FRMD4A: variants seen among roughly 807,000 people sequenced by gnomAD.
The protein encoded by FRMD4A is FERM domain-containing protein 4A.
Under a neutral mutation model 129.1 loss-of-function variants are expected in FRMD4A, and 29 were observed. The ratio of observed to expected loss-of-function variants is 0.22; its 90% CI spans 0.17 to 0.31. The LOEUF is 0.31. Ranked by LOEUF, FRMD4A falls within the 10% of genes least tolerant of loss-of-function variation. The pLI is 1.00. For synonymous variants in FRMD4A, 634 were observed against 571.6 expected, an observed-to-expected ratio of 1.11 and a Z score of -1.56; for missense variants, 1,272 against 1,375.8, an observed-to-expected ratio of 0.92 and a Z score of 1.19.
intron 2 of FRMD4A, among the ~76,000 whole-genome samples, chr10:14,103,555 G>T (rs976931731): frequency 2.6e-5 from 4 of 152,154 alleles, no homozygotes; most frequent in Non-Finnish European, 5.9e-5. Context: ...TCGCAAAAGA[G>T]AAATAAATAT....
intron 2 of FRMD4A, among the ~76,000 whole-genome samples, chr10:14,290,709 AACAAAGGCAAAATTAGGCAAGTGGGATG>A (rs1845823541): frequency 6.6e-6 from 1 of 152,102 alleles, no homozygotes; most frequent in Non-Finnish European, 1.5e-5. Context: ...AAGAACAAGC[AACAAAGGCAAAATTAGGCAAGTGGGATG>A]ACTACAAACT....
Position 13,925,566 on chromosome 10 carries a change from C to CTTTTTTTTTTTTTTTTTTTT in FRMD4A, c.46-66674_46-66655dup, listed in dbSNP as rs66980805. Among the ~76,000 whole-genome samples the CTTTTTTTTTTTTTTTTTTTT allele has an allele frequency of 3.2e-4, 20 of 61,946 alleles. 6 individuals are homozygous for CTTTTTTTTTTTTTTTTTTTT. Among genetic ancestry groups the CTTTTTTTTTTTTTTTTTTTT allele is most frequent in the East Asian group, 8.0e-4 (1 of 1,248 alleles). The allele number at this position is 61,946 out of a possible 152,430, so 40.6% of individuals were successfully genotyped here. A position where few individuals can be genotyped will look rare whatever the true frequency, so the allele number is the denominator to read the frequency against. On this transcript the variant is annotated intron_variant, in intron 2 of 24. Coordinates refer to ENST00000357447, the MANE Select transcript of FRMD4A (RefSeq NM_018027.5). The stretch of plus-strand genomic sequence containing the variant: ...TGAAAGTTTCTATTGTAGTGAAACG[C>CTTTTTTTTTTTTTTTTTTTT]TTTTTTTTTTTTTTTTTTTTTTTTT...
chr10:13,921,904 C>T lies in FRMD4A; in HGVS notation c.46-62992G>A, dbSNP rs968714218. Among the ~76,000 whole-genome samples the T allele has an allele frequency of 2.2e-4, 34 of 152,254 alleles. 4 individuals are homozygous for T. Among genetic ancestry groups the T allele is most frequent in the Admixed American group, 1.8e-3 (28 of 15,294 alleles). On this transcript the variant is annotated intron_variant, in intron 2 of 24. Coordinates refer to ENST00000357447, the MANE Select transcript of FRMD4A (RefSeq NM_018027.5). The stretch of plus-strand genomic sequence containing the variant: ...TAGGGACTAAATTGTATTCCTCTCC[C>T]CTAAATTTATATGTTGAAGTCCTAA...
intron 2 of FRMD4A, among the ~76,000 whole-genome samples, chr10:13,958,306 A>G (rs1447878546): frequency 8.8e-5 from 9 of 102,562 alleles, no homozygotes; most frequent in African/African-American, 2.1e-4. Context: ...TTTTTTGGAG[A>G]CGGAGTCTCG....
chr10:13,935,140 A>G (rs185613556), intron 2 of FRMD4A, among the ~76,000 whole-genome samples: 90 of 152,276 alleles, frequency 5.9e-4, no homozygotes, highest in African/African-American at 2.1e-3. Context: ...TCCTCATTTT[A>G]GAACTGAAAA....
chr10:14,052,386 A>C (rs1193329242), intron 2 of FRMD4A, among the ~76,000 whole-genome samples: 1 of 152,204 alleles, frequency 6.6e-6, no homozygotes, highest in Non-Finnish European at 1.5e-5. Flanking sequence ...GTAATTTATA[A>C]AGAAAAGAGG....
intron 3 of FRMD4A, among the ~76,000 whole-genome samples, chr10:13,828,802 G>T (rs912467369): frequency 6.6e-6 from 1 of 152,156 alleles, no homozygotes; most frequent in African/African-American, 2.4e-5. Flanking sequence ...AAAGTGCTGG[G>T]ATTACAGGCG....
chr10:14,190,573 C>T (rs1360370327), intron 2 of FRMD4A, among the ~76,000 whole-genome samples: 2 of 152,158 alleles, frequency 1.3e-5, no homozygotes, highest in Non-Finnish European at 2.9e-5. Flanking sequence ...TTTTGTAGAG[C>T]TGGAGTTTTC....
intron 3 of FRMD4A, among the ~76,000 whole-genome samples, chr10:13,847,607 A>C (rs2094071699): frequency 1.3e-5 from 2 of 151,588 alleles, no homozygotes; most frequent in African/African-American, 4.9e-5. Context: ...CTGCCTCCTC[A>C]TGTCCTCCTG....
At chr10:14,011,323 C>G (rs562266218) in intron 2 of FRMD4A, among the ~76,000 whole-genome samples, 136 of 152,154 alleles carry the variant, frequency 8.9e-4, no homozygotes, top group Non-Finnish European at 1.7e-3. Context: ...GCACAGGGGA[C>G]GGAGGGGCTA....
chr10:13,957,624 C>A (rs933661320), intron 2 of FRMD4A, among the ~76,000 whole-genome samples: 3 of 152,162 alleles, frequency 2.0e-5, no homozygotes, highest in African/African-American at 7.2e-5. Context: ...GAGTAAAAAT[C>A]CTCCTTCGCT....
chr10:13,740,889 C>T (rs529989139), intron 9 of FRMD4A, among the ~76,000 whole-genome samples: 36 of 130,946 alleles, frequency 2.7e-4, no homozygotes, highest in Non-Finnish European at 4.3e-4. Context: ...TGCAATGGTG[C>T]GATCTTGGTT....
intron 2 of FRMD4A, among the ~76,000 whole-genome samples, chr10:13,874,453 A>G (rs1448838394): frequency 2.0e-5 from 3 of 152,092 alleles, no homozygotes; most frequent in Admixed American, 1.3e-4. Flanking sequence ...GCAATGAATG[A>G]GCCAAAAAGG....
chr10:13,934,476 T>C (rs2095231915), intron 2 of FRMD4A, among the ~76,000 whole-genome samples: 1 of 152,184 alleles, frequency 6.6e-6, no homozygotes, highest in African/African-American at 2.4e-5. Flanking sequence ...AAACTTTTTT[T>C]TTTTTTAAAT....
At chr10:13,881,715 C>A (rs773962367) in intron 2 of FRMD4A, among the ~76,000 whole-genome samples, 9 of 151,978 alleles carry the variant, frequency 5.9e-5, no homozygotes, top group Non-Finnish European at 1.0e-4. Flanking sequence ...ACGGTCCTAC[C>A]CCTAAAAAGC....
At chr10:14,290,039 A>C (rs1164476802) in intron 2 of FRMD4A, among the ~76,000 whole-genome samples, 1 of 152,106 alleles carries the variant, frequency 6.6e-6, no homozygotes, top group African/African-American at 2.4e-5. Flanking sequence ...CTAAGAAATA[A>C]GTTTAACTAA....
rs1308155926 is a variant in FRMD4A, at chr10:13,679,474, T to TATACACACACACAC, written c.1118-4431_1118-4430insGTGTGTGTGTGTAT. Among the ~76,000 whole-genome samples, 210 of 31,478 alleles carry TATACACACACACAC rather than the reference T, an allele frequency of 6.7e-3. 3 individuals are homozygous for TATACACACACACAC. The highest frequency in any genetic ancestry group is 0.016 in the East Asian group (5 of 322). The allele number at this position is 31,478 out of a possible 152,430, so 20.7% of individuals were successfully genotyped here. ...AAAAAAAAAAAAATATATATATATA[T>TATACACACACACAC]ACACACACACACACACACACACACA... On this transcript the variant is annotated intron_variant, in intron 15 of 24. Coordinates refer to ENST00000357447, the MANE Select transcript of FRMD4A (RefSeq NM_018027.5).
intron 13 of FRMD4A, among the ~76,000 whole-genome samples, chr10:13,701,934 T>C (rs78375505): frequency 0.012 from 1,834 of 152,306 alleles, 32 homozygotes; most frequent in African/African-American, 0.042. Flanking sequence ...GGACTTCTTA[T>C]ATAACTAACC....
chr10:14,066,045 G>GTGTGTGTGTGTGT (rs1835044727), intron 2 of FRMD4A, among the ~76,000 whole-genome samples: 1 of 24,896 alleles, frequency 4.0e-5, no homozygotes, highest in African/African-American at 1.0e-4. Flanking sequence ...TGTGTGTGTC[G>GTGTGTGTGTGTGT]GTAGGGGGAG....
Sources: gnomAD v4.1 joint callset for allele counts (sites outside exome capture counted in the v4.1 genomes callset) on GRCh38, gnomAD v4.1.1 for gene constraint, MANE v1.5 for transcripts, NCBI Gene and HGNC (gene_info 2026-07-23, HGNC 2026-07-21) for gene names.